The following PITPNM2 variants were observed in gnomAD, a reference collection of about 807,000 sequenced individuals.
PITPNM2 encodes membrane-associated phosphatidylinositol transfer protein 2.
Under a neutral mutation model 132.2 loss-of-function variants are expected in PITPNM2, and 35 were observed. The ratio of observed to expected loss-of-function variants is 0.26; its 90% CI spans 0.20 to 0.35. The LOEUF is 0.35. PITPNM2 is among the 10% of genes least tolerant of loss of function. PITPNM2 has a pLI of 1.00. For synonymous variants in PITPNM2, 738 were observed against 799.2 expected (o/e 0.92, Z 1.29); for missense variants, 1,332 against 1,912.0 (o/e 0.70, Z 5.66).
rs1328517398 is a variant in PITPNM2, at chr12:123,042,171, G to A, written c.-95-7486C>T. Among the ~76,000 whole-genome samples, 4 of 151,980 alleles carry A rather than the reference G, an allele frequency of 2.6e-5. No homozygotes were observed. The East Asian group carries it at 7.7e-4, about 29-fold the overall frequency. On this transcript the variant is annotated intron_variant, in intron 2 of 25. Transcript: ENST00000320201. ...CTTCCCACCAAGACACAGAGCACCAGCTGGGCCTCCCAGGCTGGAGCCCAA... is the reference window on the plus strand; with the variant it reads ...CTTCCCACCAAGACACAGAGCACCAACTGGGCCTCCCAGGCTGGAGCCCAA...
chr12:123,129,824 CG>C (rs2043224007), intron 1 of PITPNM2, among the ~76,000 whole-genome samples: 1 of 151,630 alleles, frequency 6.6e-6, no homozygotes, highest in Non-Finnish European at 1.5e-5. Flanking sequence ...GAGAGGAACA[CG>C]GGGAAAACAA....
chr12:123,132,975 C>A (rs567604503), intron 1 of PITPNM2, among the ~76,000 whole-genome samples: 11 of 152,296 alleles, frequency 7.2e-5, no homozygotes, highest in Admixed American at 7.2e-4. Context: ...GAGTTGTTTC[C>A]ACCTTTTGGC....
At chr12:123,093,759 A>G (rs372636943) in intron 2 of PITPNM2, among the ~76,000 whole-genome samples, 2 of 152,254 alleles carry the variant, frequency 1.3e-5, no homozygotes, top group Admixed American at 6.5e-5. Context: ...CTGCTCTTCC[A>G]TGGCTTTAAT....
chr12:123,136,077 T>C (rs1317139911), intron 1 of PITPNM2, among the ~76,000 whole-genome samples: 8 of 152,026 alleles, frequency 5.3e-5, no homozygotes, highest in Non-Finnish European at 1.2e-4. Context: ...CTGAGGCAGG[T>C]GGATCACGAG....
intron 6 of PITPNM2, chr12:123,006,198 G>A (rs996540078): frequency 6.6e-6 from 1 of 152,074 alleles, no homozygotes; most frequent in Non-Finnish European, 1.5e-5. Context: ...TGAGAGTCTC[G>A]TGTCTCAGTG....
intron 2 of PITPNM2, among the ~76,000 whole-genome samples, chr12:123,062,888 C>G (rs977733128): frequency 1.3e-5 from 2 of 152,320 alleles, no homozygotes; most frequent in African/African-American, 4.8e-5. Flanking sequence ...CACCCCACTA[C>G]CAATGCAGGA....
At chr12:122,991,168 G>A (rs555755578) in intron 16 of PITPNM2, among the ~76,000 whole-genome samples, 9 of 152,232 alleles carry the variant, frequency 5.9e-5, no homozygotes, top group Non-Finnish European at 1.3e-4. Context: ...ACAGAGAGAG[G>A]CAAGCCCTGA....
In PITPNM2 at chr12:122,985,622, G is replaced by A. The variant is rs1209887139; in HGVS notation, c.*405C>T. 1.0e-5 allele frequency: 2 copies of A among 191,636 alleles called. No individual in the cohort carries two copies. Among genetic ancestry groups the A allele is most frequent in the Non-Finnish European group, 2.1e-5 (2 of 94,172 alleles). 11.9% of individuals were successfully genotyped at this position (191,636 alleles called of 1,614,324 possible). On this transcript the variant is annotated 3_prime_UTR_variant, in exon 26 of 26. Coordinates refer to ENST00000320201, the MANE Select transcript of PITPNM2 (RefSeq NM_020845.3). ...TTAACAAGATGCAGGCTGGACCCCT[G>A]TTGGAGCTGCTACCAAATGGGAGGG...
rs979558660 is a variant in PITPNM2 at position 123,111,328 on chromosome 12, T to C, written c.-199-840A>G. Among the ~76,000 whole-genome samples, 2 of 152,250 alleles carry C rather than the reference T, an allele frequency of 1.3e-5. No individual in the cohort carries two copies. Among genetic ancestry groups the C allele is most frequent in the Non-Finnish European group, 2.9e-5 (2 of 68,052 alleles). ...GACCATGACAGAGAGGCTGCTTATC[T>C]GCTGGCTATGGAAGCTGGGAGTGTT... is the stretch of plus-strand genomic sequence containing the variant. On this transcript the variant is annotated intron_variant, in intron 1 of 25. Transcript: ENST00000320201. This position sits in a 1 kb window ranked among gnomAD's most constrained non-coding sequence, Gnocchi z 4.1.
intron 20 of PITPNM2, among the ~76,000 whole-genome samples, 156 bp from the exon 21 acceptor site, chr12:122,988,057 G>T (rs941527682): frequency 2.0e-5 from 3 of 152,236 alleles, no homozygotes; most frequent in Admixed American, 6.5e-5. Context: ...TGGCTTTGGA[G>T]AAACTAGGAA....
intron 1 of PITPNM2, among the ~76,000 whole-genome samples, chr12:123,141,532 G>C (rs1300759792): frequency 6.6e-6 from 1 of 152,060 alleles, no homozygotes; most frequent in African/African-American, 2.4e-5. Flanking sequence ...CTCTGGTTTG[G>C]AGGCTTCCCT....
rs1172582177 is a variant in PITPNM2 at position 122,990,677 on chromosome 12, G to C, written c.2437C>G (p.Gln813Glu). The C allele has an allele frequency of 6.2e-7, 1 of 1,611,304 alleles. No individual in the cohort carries two copies. The highest frequency in any genetic ancestry group is 8.5e-7 in the Non-Finnish European group (1 of 1,179,684). ...GGCGAGGAGGGGGCGCCATGCTCTT[G>C]GAAGGCTGCATTGTGGGTCTGGAGC... Reference protein sequence around the residue: ...DVLQTHNAAFQEHGAPSSPGT... With the variant: ...DVLQTHNAAFEEHGAPSSPGT... The change falls in exon 17 of 26, where the codon CAA (glutamine) becomes GAA (glutamate). Residue 813 changes from glutamine to glutamate, a missense_variant. By Grantham distance (29) the Gln-to-Glu change is conservative (BLOSUM62 2). This residue lies in a region of PITPNM2 where 710 missense variants were observed against 911.5 expected (regional missense o/e 0.78). Coordinates refer to ENST00000320201, the MANE Select transcript of PITPNM2 (RefSeq NM_020845.3).
intron 2 of PITPNM2, among the ~76,000 whole-genome samples, chr12:123,053,923 T>C (rs1301827669): frequency 6.6e-6 from 1 of 152,186 alleles, no homozygotes; most frequent in Non-Finnish European, 1.5e-5. Context: ...CAGTCAGATT[T>C]GCCAGTTTTA....
chr12:123,032,879 C>T (rs933885022), intron 3 of PITPNM2, among the ~76,000 whole-genome samples: 1 of 152,196 alleles, frequency 6.6e-6, no homozygotes, highest in African/African-American at 2.4e-5. Flanking sequence ...AAACAGCCCC[C>T]CGGAGAGGCT....
rs1379151969 is a variant in PITPNM2 at position 123,023,000 on chromosome 12, G to T, written c.79-8958C>A. 6.6e-6 allele frequency among the ~76,000 whole-genome samples: 1 copy of T among 152,232 alleles called. No homozygotes were observed. The highest frequency in any genetic ancestry group is 2.4e-5 in the African/African-American group (1 of 41,462). On this transcript the variant is annotated intron_variant, in intron 3 of 25. Coordinates refer to ENST00000320201, the MANE Select transcript of PITPNM2 (RefSeq NM_020845.3). This position sits in a 1 kb window ranked among gnomAD's most constrained non-coding sequence, Gnocchi z 4.9. ...TGTTCTCCCAGCTCCCTGCCACAGG[G>T]GCATGACTCTGTCTCCTGGCTGGGC... is the stretch of plus-strand genomic sequence containing the variant.
intron 2 of PITPNM2, among the ~76,000 whole-genome samples, chr12:123,104,405 C>T (rs536504018): frequency 6.6e-6 from 1 of 152,334 alleles, no homozygotes; most frequent in South Asian, 2.1e-4. Flanking sequence ...AGTGAATATG[C>T]CCTGCCCCGC....
chr12:123,098,685 G>A (rs1039684752), intron 2 of PITPNM2, among the ~76,000 whole-genome samples: 4 of 152,060 alleles, frequency 2.6e-5, no homozygotes, highest in South Asian at 2.1e-4. Context: ...AAGAGGAAGC[G>A]CCTCCTAATT....
chr12:123,114,200 G>A (rs1315836196), intron 1 of PITPNM2, among the ~76,000 whole-genome samples: 1 of 152,070 alleles, frequency 6.6e-6, no homozygotes, highest in African/African-American at 2.4e-5. Flanking sequence ...ATTCTTTTGG[G>A]TATACACCTA....
At chr12:123,125,111 C>A (rs937620122) in intron 1 of PITPNM2, among the ~76,000 whole-genome samples, 3 of 152,162 alleles carry the variant, frequency 2.0e-5, no homozygotes, top group African/African-American at 7.2e-5. Context: ...GCATGTGTCA[C>A]CATGCCCAGC....
Sources: allele counts gnomAD v4.1 joint callset (sites outside exome capture counted in the v4.1 genomes callset), GRCh38; gene constraint gnomAD v4.1.1; regional missense constraint gnomAD v4.1.1; non-coding constraint Gnocchi (gnomAD v3.1); transcripts MANE v1.5; gene names NCBI Gene and HGNC (gene_info 2026-07-23, HGNC 2026-07-21).